Variants in PMS1 observed in about 807,000 individuals in gnomAD.
PMS1 encodes PMS1 protein homolog 1.
Under a neutral mutation model 93.1 loss-of-function variants are expected in PMS1, and 79 were observed. That is an observed-to-expected ratio of 0.85 (90% CI 0.71 to 1.02). PMS1 has a LOEUF of 1.02. PMS1 is among the 50% of genes least tolerant of loss of function. The probability of loss-of-function intolerance (pLI) is 0.00; values close to 1 mark genes in which losing one functional copy is unlikely to be tolerated. For missense variants in PMS1, 1,064 were observed against 1,085.3 expected (o/e 0.98, Z 0.28); for synonymous variants, 335 against 363.4 (o/e 0.92, Z 0.89).
At chr2:189,834,332 A>G (rs572239314) in intron 5 of PMS1, among the ~76,000 whole-genome samples, 2 of 152,354 alleles carry the variant, frequency 1.3e-5, no homozygotes, top group African/African-American at 4.8e-5. Flanking sequence ...AGATGAGGCT[A>G]CGAAGCTTGC....
chr2:189,801,614 T>G (rs985411864), intron 3 of PMS1, among the ~76,000 whole-genome samples: 1 of 152,250 alleles, frequency 6.6e-6, no homozygotes, highest in Non-Finnish European at 1.5e-5. Context: ...ACAGTTTATT[T>G]TATTTTATTT....
chr2:189,791,217 C>G (rs1375474848), intron 1 of PMS1, among the ~76,000 whole-genome samples: 1 of 152,036 alleles, frequency 6.6e-6, no homozygotes, highest in Non-Finnish European at 1.5e-5. Flanking sequence ...AGCTCTGCCT[C>G]TTAATAACTG....
chr2:189,835,701 G>A (rs1337276940), intron 5 of PMS1, among the ~76,000 whole-genome samples: 1 of 152,086 alleles, frequency 6.6e-6, no homozygotes, highest in East Asian at 1.9e-4. Flanking sequence ...CAAGGTGGGA[G>A]GATCGCTTGA....
rs2055570553 is a variant in PMS1 at position 189,858,350 on chromosome 2, A to G, written c.1856+3222A>G. 2.0e-5 allele frequency among the ~76,000 whole-genome samples: 3 copies of G among 152,262 alleles called. No individual in the cohort carries two copies. In the South Asian group the frequency reaches 6.2e-4, roughly 32 times the overall value. ...TTTAAACTAAAAAAAAATTGCAACT[A>G]GGGTATTATGAAAATGATAAACTTT... On this transcript the variant is annotated intron_variant, in intron 9 of 12. Coordinates refer to ENST00000441310, the MANE Select transcript of PMS1 (RefSeq NM_000534.5).
chr2:189,876,621 T>G (rs1423433282), intron 12 of PMS1, among the ~76,000 whole-genome samples: 1 of 152,100 alleles, frequency 6.6e-6, no homozygotes, highest in Non-Finnish European at 1.5e-5. Context: ...TTAATTTTTA[T>G]TTATTTATTT....
At chr2:189,864,359 T>TA in intron 10 of PMS1, 131 bp downstream of exon 10, 1 of 787,488 alleles carries the variant, frequency 1.3e-6, no homozygotes. Context: ...TTTAATCTTT[T>TA]AAACATTTGA....
At chr2:189,849,932 G>T (rs2054568151) in intron 6 of PMS1, among the ~76,000 whole-genome samples, 1 of 142,880 alleles carries the variant, frequency 7.0e-6, no homozygotes, top group African/African-American at 2.7e-5. Context: ...TGGAAAGACA[G>T]ATTTCAGTCC....
intron 4 of PMS1, among the ~76,000 whole-genome samples, chr2:189,811,642 T>C (rs2050856915): frequency 6.6e-6 from 1 of 151,506 alleles, no homozygotes; most frequent in Non-Finnish European, 1.5e-5. Flanking sequence ...AAAAAGAAAA[T>C]GTCTGAGAAT....
chr2:189,797,928 C>G (rs2049506663), intron 3 of PMS1, among the ~76,000 whole-genome samples: 1 of 152,146 alleles, frequency 6.6e-6, no homozygotes, highest in South Asian at 2.1e-4. Flanking sequence ...GGATTACATT[C>G]CTGATTAAAC....
chr2:189,841,892 C>T (rs531979667), intron 5 of PMS1, among the ~76,000 whole-genome samples: 3 of 152,074 alleles, frequency 2.0e-5, no homozygotes, highest in Non-Finnish European at 4.4e-5. Flanking sequence ...AAAAGACCTC[C>T]TTTCTGCATT....
chr2:189,825,520 A>C (rs2052353574), intron 5 of PMS1, among the ~76,000 whole-genome samples: 1 of 152,238 alleles, frequency 6.6e-6, no homozygotes, highest in Admixed American at 6.5e-5. Flanking sequence ...ATAATTTCCT[A>C]GACCACTAGT....
intron 3 of PMS1, among the ~76,000 whole-genome samples, chr2:189,799,160 G>A (rs1229486710): frequency 6.6e-6 from 1 of 152,062 alleles, no homozygotes; most frequent in African/African-American, 2.4e-5. Flanking sequence ...AAATAATTTT[G>A]CTCATCAGAA....
rs779436688 is a variant in PMS1, at chr2:189,821,456, CA to C, written c.582+3291del. On this transcript the variant is annotated intron_variant, in intron 5 of 12. Transcript: ENST00000441310. The stretch of plus-strand genomic sequence containing the variant: ...TGGGCTACAGAGGGAGACTCCGTCT[CA>C]AAAAAAAAAAAAAAGAAAGAAAAGT... Among the ~76,000 whole-genome samples, 311 of 91,946 alleles carry C rather than the reference CA, an allele frequency of 3.4e-3. 2 individuals are homozygous for C. The highest frequency in any genetic ancestry group is 7.2e-3 in the African/African-American group (205 of 28,588). The allele number at this position is 91,946 out of a possible 152,430, so 60.3% of individuals were successfully genotyped here. A position where few individuals can be genotyped will look rare whatever the true frequency, so the allele number is the denominator to read the frequency against.
intron 2 of PMS1, among the ~76,000 whole-genome samples, chr2:189,794,720 A>C (rs2049181240): frequency 1.3e-5 from 2 of 152,206 alleles, no homozygotes; most frequent in Admixed American, 6.5e-5. Context: ...AAGTATGATC[A>C]CTATGGGAAT....
intron 1 of PMS1, among the ~76,000 whole-genome samples, chr2:189,787,599 T>A (rs953971570): frequency 3.5e-5 from 1 of 28,336 alleles, no homozygotes; most frequent in Non-Finnish European, 1.1e-4. Flanking sequence ...AACTTCACTT[T>A]TTTATTTTTT....
intron 4 of PMS1, among the ~76,000 whole-genome samples, chr2:189,808,837 C>G (rs2050575766): frequency 6.6e-6 from 1 of 152,114 alleles, no homozygotes; most frequent in Non-Finnish European, 1.5e-5. Context: ...AGAAATACAT[C>G]TCTATCTTTT....
At chr2:189,871,648 T>C (rs975014078) in intron 11 of PMS1, among the ~76,000 whole-genome samples, 1 of 152,240 alleles carries the variant, frequency 6.6e-6, no homozygotes, top group Non-Finnish European at 1.5e-5. Flanking sequence ...TTCTGAGCTT[T>C]CAAACTCTTC....
At chr2:189,827,580 A>G (rs1296829230) in intron 5 of PMS1, among the ~76,000 whole-genome samples, 2 of 152,220 alleles carry the variant, frequency 1.3e-5, no homozygotes, top group African/African-American at 4.8e-5. Flanking sequence ...ACTGATTTTC[A>G]ACCTAAATGC....
At chr2:189,791,478 G>A (rs530461246) in intron 1 of PMS1, among the ~76,000 whole-genome samples, 38 of 152,150 alleles carry the variant, frequency 2.5e-4, no homozygotes, top group Admixed American at 2.5e-3. Context: ...AAATTAGCCA[G>A]GTGTCCTGGT....
Sources: gnomAD v4.1 joint callset for allele counts (sites outside exome capture counted in the v4.1 genomes callset) on GRCh38, gnomAD v4.1.1 for gene constraint, MANE v1.5 for transcripts, NCBI Gene and HGNC (gene_info 2026-07-23, HGNC 2026-07-21) for gene names.